Variants in MEI4 observed in about 807,000 individuals in gnomAD.
MEI4 encodes meiosis-specific protein MEI4.
MEI4 carries 27 observed loss-of-function variants against 31.4 expected under a neutral mutation model. The observed-to-expected ratio is 0.86, with a 90% CI of 0.63 to 1.19. MEI4 has a LOEUF of 1.19. Among genes scored for constraint, MEI4 ranks in the 50% most tolerant of loss-of-function variants. The probability of loss-of-function intolerance (pLI) is 0.00; values close to 1 mark genes in which losing one functional copy is unlikely to be tolerated. For missense variants in MEI4, 329 were observed against 398.9 expected (o/e 0.82, Z 1.49); for synonymous variants, 122 against 145.4 (o/e 0.84, Z 1.16).
rs943743492 is a variant in MEI4 at position 77,690,582 on chromosome 6, A to T, written c.-14-76A>T. On this transcript the variant is annotated intron_variant, in intron 1 of 4. Transcript: ENST00000684080. ...CTTATTAATTAATGTTACTCTGCAA[A>T]ATCAATTTTAAGCAAATGAAATGCA... is the stretch of plus-strand genomic sequence containing the variant. 19 of 650,478 alleles carry T rather than the reference A, an allele frequency of 2.9e-5. No individual in the cohort carries two copies. The African/African-American group carries it at 3.2e-4, about 11-fold the overall frequency. 40.3% of individuals were successfully genotyped at this position (650,478 alleles called of 1,614,324 possible).
At chr6:77,672,860 G>C (rs1289993961) in intron 1 of MEI4, among the ~76,000 whole-genome samples, 1 of 152,220 alleles carries the variant, frequency 6.6e-6, no homozygotes, top group African/African-American at 2.4e-5. Flanking sequence ...TAAGTGAGAA[G>C]GGATATATAT....
chr6:77,692,611 G>A (rs1486170913), intron 2 of MEI4, among the ~76,000 whole-genome samples: 1 of 152,030 alleles, frequency 6.6e-6, no homozygotes, highest in Non-Finnish European at 1.5e-5. Context: ...AATAAATTCA[G>A]AGTAGACACT....
chr6:77,825,852 A>T (rs13203117), intron 3 of MEI4, among the ~76,000 whole-genome samples: 14,008 of 152,206 alleles, frequency 0.092, 940 homozygotes, highest in East Asian at 0.31. Flanking sequence ...CAAATTATTT[A>T]AAAAACATTA....
chr6:77,893,117 G>A (rs1766002747), intron 4 of MEI4, among the ~76,000 whole-genome samples: 1 of 152,108 alleles, frequency 6.6e-6, no homozygotes, highest in Non-Finnish European at 1.5e-5. Context: ...GAGGTTCTCT[G>A]TGATTGCCCT....
At chr6:77,688,760 C>G (rs886304343) in intron 1 of MEI4, among the ~76,000 whole-genome samples, 3 of 152,024 alleles carry the variant, frequency 2.0e-5, no homozygotes, top group Non-Finnish European at 2.9e-5. Flanking sequence ...TTTAAAAAAT[C>G]AGTATCATTA....
At chr6:77,663,824 C>T (rs1228687544) in intron 1 of MEI4, among the ~76,000 whole-genome samples, 5 of 152,144 alleles carry the variant, frequency 3.3e-5, no homozygotes, top group Admixed American at 1.3e-4. Context: ...AGTCTTCAGC[C>T]GCTAAGCCGA....
intron 3 of MEI4, among the ~76,000 whole-genome samples, chr6:77,810,026 C>A (rs888738864): frequency 2.6e-5 from 4 of 152,182 alleles, no homozygotes; most frequent in East Asian, 1.9e-4. Context: ...TAAGACCTGT[C>A]AAGTATGAGA....
intron 4 of MEI4, among the ~76,000 whole-genome samples, chr6:77,882,908 A>G (rs1771522798): frequency 6.6e-6 from 1 of 152,230 alleles, no homozygotes; most frequent in Non-Finnish European, 1.5e-5. Context: ...TCAGACTAAA[A>G]TTAAGAAAAA....
chr6:77,874,238 C>A (rs1771273255), intron 4 of MEI4, among the ~76,000 whole-genome samples: 1 of 152,178 alleles, frequency 6.6e-6, no homozygotes, highest in Non-Finnish European at 1.5e-5. Context: ...TACCCATGAG[C>A]ATGGAATGTT....
intron 4 of MEI4, among the ~76,000 whole-genome samples, chr6:77,862,570 G>A (rs1388402973): frequency 6.6e-6 from 1 of 152,204 alleles, no homozygotes; most frequent in Non-Finnish European, 1.5e-5. Flanking sequence ...GGTAAACAAA[G>A]CAGCCCAGAG....
rs35383523 is a variant in MEI4, at chr6:77,908,781, A to T, written c.901-14308A>T. ...CCATTACATAATGGTAAAGGGATCA[A>T]TTCAACAAGAAGAGCTAACTCTCCT... On this transcript the variant is annotated intron_variant, in intron 4 of 4. Transcript: ENST00000684080. Among the ~76,000 whole-genome samples the T allele has an allele frequency of 2.5e-3, 387 of 152,302 alleles. 2 individuals carry two copies. Among genetic ancestry groups the T allele is most frequent in the Non-Finnish European group, 3.9e-3 (263 of 68,020 alleles).
intron 4 of MEI4, among the ~76,000 whole-genome samples, chr6:77,840,915 A>G (rs1202156970): frequency 6.6e-6 from 1 of 152,198 alleles, no homozygotes; most frequent in East Asian, 1.9e-4. Context: ...TTCTACATCT[A>G]TTAAAAATAT....
intron 2 of MEI4, among the ~76,000 whole-genome samples, chr6:77,698,485 T>C (rs1766117482): frequency 6.6e-6 from 1 of 152,264 alleles, no homozygotes; most frequent in East Asian, 1.9e-4. Flanking sequence ...TCTCTCAGCA[T>C]TTGCTTGTCT....
Position 77,926,884 on chromosome 6 carries a change from ATTT to A in MEI4, c.*3540_*3542del. ...ATCTAATATTGAAAAAATATATAGGATTTTATTATTGTTAAAAGTTAATTGATT... is the reference window on the plus strand; with the variant it reads ...ATCTAATATTGAAAAAATATATAGGATATTATTGTTAAAAGTTAATTGATT... On this transcript the variant is annotated 3_prime_UTR_variant, in exon 5 of 5. Coordinates refer to ENST00000684080, the MANE Select transcript of MEI4 (RefSeq NM_001322247.2). 6.6e-6 allele frequency: 1 copy of A among 152,044 alleles called. No homozygotes were observed. Among genetic ancestry groups the A allele is most frequent in the South Asian group, 2.1e-4 (1 of 4,820 alleles). The allele number at this position is 152,044 out of a possible 1,614,324, so 9.4% of individuals were successfully genotyped here.
rs1001573025 is a variant in MEI4, at chr6:77,734,188, A to C, written c.233-26942A>C. Among the ~76,000 whole-genome samples the C allele has an allele frequency of 1.3e-4, 19 of 151,740 alleles. 1 individual carries two copies. Among genetic ancestry groups the C allele is most frequent in the Non-Finnish European group, 2.5e-4 (17 of 67,988 alleles). On this transcript the variant is annotated intron_variant, in intron 2 of 4. Transcript: ENST00000684080. Reference sequence around the variant, plus strand: ...GTTCAATTCCTGGGTATCCTTGTTGACTTTCTGTCTCATGATCTGTCTAAT... The same window carrying C: ...GTTCAATTCCTGGGTATCCTTGTTGCCTTTCTGTCTCATGATCTGTCTAAT...
chr6:77,793,057 G>A (rs1338895559), intron 3 of MEI4, among the ~76,000 whole-genome samples: 2 of 152,050 alleles, frequency 1.3e-5, no homozygotes, highest in Non-Finnish European at 2.9e-5. Context: ...CCCAGTGTGT[G>A]TTAATAGCAA....
intron 3 of MEI4, among the ~76,000 whole-genome samples, chr6:77,790,809 C>T (rs1051593552): frequency 1.3e-5 from 2 of 151,858 alleles, no homozygotes; most frequent in Non-Finnish European, 2.9e-5. Flanking sequence ...AATATCTGTA[C>T]ATTATGAACT....
chr6:77,803,532 G>T (rs554010827), intron 3 of MEI4, among the ~76,000 whole-genome samples: 1 of 152,158 alleles, frequency 6.6e-6, no homozygotes, highest in East Asian at 1.9e-4. Context: ...CGTTCCTTTG[G>T]TGGAGAAGAG....
rs369907589 is a variant in MEI4 at position 77,925,812 on chromosome 6, A to G, written c.*2466A>G. On this transcript the variant is annotated 3_prime_UTR_variant, in exon 5 of 5. Transcript: ENST00000684080. ...AGAGTAAATATATATTAAATATTTT[A>G]TATACATTTATATAATAAAATATAT... 4.7e-5 allele frequency: 7 copies of G among 148,268 alleles called. No individual in the cohort carries two copies. Among genetic ancestry groups the G allele is most frequent in the African/African-American group, 9.8e-5 (4 of 40,918 alleles). The allele number at this position is 148,268 out of a possible 1,614,324, so 9.2% of individuals were successfully genotyped here.
Sources: gnomAD v4.1 joint callset for allele counts (sites outside exome capture counted in the v4.1 genomes callset) on GRCh38, gnomAD v4.1.1 for gene constraint, MANE v1.5 for transcripts, NCBI Gene and HGNC (gene_info 2026-07-23, HGNC 2026-07-21) for gene names.